Variants in COL18A1 observed in about 807,000 individuals in gnomAD.
COL18A1 encodes the protein collagen type XVIII alpha 1 chain.
COL18A1 carries 133 observed loss-of-function variants against 168.0 expected under a neutral mutation model. The ratio of observed to expected loss-of-function variants is 0.79; its 90% CI spans 0.69 to 0.91. The LOEUF is 0.91. COL18A1 is among the 40% of genes least tolerant of loss of function. COL18A1 has a pLI of 0.00. For missense variants in COL18A1, 2,126 were observed against 1,925.4 expected, an observed-to-expected ratio of 1.10 and a Z score of -1.95; for synonymous variants, 949 against 809.0, an observed-to-expected ratio of 1.17 and a Z score of -2.94.
chr21:45,506,079 C>T, intron 37 of COL18A1, 113 bp downstream of exon 37: 1 of 1,512,118 alleles, frequency 6.6e-7, no homozygotes, highest in Non-Finnish European at 9.1e-7. Flanking sequence ...CAGGTGGCAG[C>T]CAGCGCTTCT....
intron 2 of COL18A1, among the ~76,000 whole-genome samples, chr21:45,440,667 T>A (rs1226689416): frequency 6.6e-6 from 1 of 151,658 alleles, no homozygotes; most frequent in Non-Finnish European, 1.5e-5. Context: ...TTGAGCCACG[T>A]TCCCCGGAAG....
intron 2 of COL18A1, among the ~76,000 whole-genome samples, chr21:45,413,131 A>C (rs1424986101): frequency 6.6e-6 from 1 of 152,192 alleles, no homozygotes; most frequent in Non-Finnish European, 1.5e-5. Context: ...GGGACGCCAC[A>C]GTGGAGAGAG....
intron 2 of COL18A1, among the ~76,000 whole-genome samples, chr21:45,448,329 T>C (rs1272621933): frequency 8.5e-5 from 13 of 152,216 alleles, no homozygotes; most frequent in Admixed American, 8.5e-4. Context: ...TCCATGCGTG[T>C]GCACACAAGA....
chr21:45,444,948 G>A (rs2034473250), intron 2 of COL18A1, among the ~76,000 whole-genome samples: 3 of 152,168 alleles, frequency 2.0e-5, no homozygotes, highest in African/African-American at 7.2e-5. Context: ...AAAATGTGAT[G>A]TGGGTCTCCC....
intron 32 of COL18A1, among the ~76,000 whole-genome samples, chr21:45,500,423 G>T (rs1330818183): frequency 4.1e-5 from 6 of 144,672 alleles, no homozygotes; most frequent in Middle Eastern, 3.6e-3. Flanking sequence ...GTGTGGTGTG[G>T]GGTGTGTGTG....
At chr21:45,505,555 G>A in intron 36 of COL18A1, 124 bp downstream of exon 36, 1 of 702,210 alleles carries the variant, frequency 1.4e-6, no homozygotes, top group Non-Finnish European at 2.5e-6. Flanking sequence ...CCAAGATGCG[G>A]TTTCCAGGGT....
At chr21:45,496,435 C>T in intron 29 of COL18A1, 65 bp from the exon 30 acceptor site, 1 of 807,994 alleles carries the variant, frequency 1.2e-6, no homozygotes, top group Non-Finnish European at 2.3e-6. Flanking sequence ...TCTGAACTGT[C>T]TCTGCTCCCA....
In COL18A1 at chr21:45,473,934, G is replaced by A. The variant is rs202012055; in HGVS notation, c.691G>A (p.Val231Met). The A allele has an allele frequency of 1.4e-3, 2,314 of 1,606,500 alleles. 7 individuals are homozygous for A. The highest frequency in any genetic ancestry group is 1.7e-3 in the Non-Finnish European group (2,036 of 1,176,714). The change falls in exon 4 of 42, where the codon GTG (valine) becomes ATG (methionine). Residue 231 changes from valine (V) to methionine (M), a missense_variant. Physicochemically the swap from Val to Met is conservative, Grantham distance 21. Transcript: ENST00000651438. This position sits in a 1 kb window ranked among gnomAD's most constrained non-coding sequence, Gnocchi z 4.0. ...GCTGAAGGTGCGCAGGGACCCCCAG[G>A]TGAGCCCCATGCACTGCCTGGACGA... ...AELKVRRDPQ[V>M]SPMHCLDEEG...
At chr21:45,497,783 C>A in intron 32 of COL18A1, 122 bp downstream of exon 32, 1 of 1,361,110 alleles carries the variant, frequency 7.3e-7, no homozygotes, top group Non-Finnish European at 1.0e-6. Context: ...GACCACCTCA[C>A]CCTGCGGGAG....
chr21:45,488,390 T>TA (rs767750985), intron 17 of COL18A1, 28 bp from the exon 18 acceptor site: 4 of 1,613,638 alleles, frequency 2.5e-6, no homozygotes, highest in Non-Finnish European at 3.4e-6. Flanking sequence ...CCAGCTGCAC[T>TA]AACACTGTGT....
Position 45,425,098 on chromosome 21 carries a change from G to A in COL18A1, c.106+19625G>A. On this transcript the variant is annotated intron_variant, in intron 2 of 41. Transcript: ENST00000651438. This position sits in a 1 kb window ranked among gnomAD's most constrained non-coding sequence, Gnocchi z 4.1. ...CATGAGGACGGGGTGGGTCTGACTT[G>A]TGGCATCGCGGCCTCTCCATCGGTG... 6.6e-6 allele frequency: 1 copy of A among 152,274 alleles called. No homozygotes were observed. The highest frequency in any genetic ancestry group is 1.9e-4 in the East Asian group (1 of 5,192). The allele number at this position is 152,274 out of a possible 1,614,324, so 9.4% of individuals were successfully genotyped here. A position where few individuals can be genotyped will look rare whatever the true frequency, so the allele number is the denominator to read the frequency against.
At chr21:45,465,059 C>T (rs575432120) in intron 2 of COL18A1, among the ~76,000 whole-genome samples, 8 of 152,240 alleles carry the variant, frequency 5.3e-5, no homozygotes, top group Non-Finnish European at 5.9e-5. Flanking sequence ...TCTCAGGAGT[C>T]TCCATAACTC....
At chr21:45,441,359 A>G (rs997448450) in intron 2 of COL18A1, among the ~76,000 whole-genome samples, 12 of 152,212 alleles carry the variant, frequency 7.9e-5, no homozygotes, top group Admixed American at 1.3e-4. Context: ...CTGTCCCCAG[A>G]AGATGAGGGA....
intron 39 of COL18A1, 32 bp from the exon 40 acceptor site, chr21:45,510,032 A>G: frequency 6.5e-7 from 1 of 1,538,078 alleles, no homozygotes; most frequent in Non-Finnish European, 8.7e-7. Context: ...GCAGCGTGGG[A>G]CACAGCCCGT....
chr21:45,405,685 G>T (rs1395628530), intron 2 of COL18A1, among the ~76,000 whole-genome samples: 1 of 150,950 alleles, frequency 6.6e-6, no homozygotes, highest in Non-Finnish European at 1.5e-5. Flanking sequence ...GGTCCGGGCC[G>T]GGAGGGGTGC....
At chr21:45,422,024 TCACA>T (rs2033640141) in intron 2 of COL18A1, among the ~76,000 whole-genome samples, 1 of 152,184 alleles carries the variant, frequency 6.6e-6, no homozygotes, top group African/African-American at 2.4e-5. Flanking sequence ...CACATGGCTG[TCACA>T]CACACAGGTT....
chr21:45,452,809 T>C (rs1322489802), intron 2 of COL18A1, among the ~76,000 whole-genome samples: 1 of 152,084 alleles, frequency 6.6e-6, no homozygotes, highest in Non-Finnish European at 1.5e-5. Flanking sequence ...TATGTGATTG[T>C]GTATGCATGT....
chr21:45,456,187 T>A, intron 2 of COL18A1: 1 of 1,598,514 alleles, frequency 6.3e-7, no homozygotes, highest in Non-Finnish European at 8.5e-7. Flanking sequence ...GTAGAGCTTC[T>A]CTCTCCTCCT....
intron 13 of COL18A1, 74 bp downstream of exon 13, chr21:45,480,932 G>A: frequency 1.3e-6 from 2 of 1,531,210 alleles, no homozygotes; most frequent in Non-Finnish European, 1.8e-6. Flanking sequence ...CCACATGGGA[G>A]CCCCTGCCCC....
Sources: allele counts gnomAD v4.1 joint callset (sites outside exome capture counted in the v4.1 genomes callset), GRCh38; gene constraint gnomAD v4.1.1; non-coding constraint Gnocchi (gnomAD v3.1); transcripts MANE v1.5; gene names NCBI Gene and HGNC (gene_info 2026-07-23, HGNC 2026-07-21).